Variants in METTL2A observed in about 807,000 individuals in gnomAD.
METTL2A encodes tRNA N(3)-cytidine methyltransferase METTL2A.
METTL2A carries 45 observed loss-of-function variants against 49.4 expected under a neutral mutation model. That is an observed-to-expected ratio of 0.91 (90% CI 0.72 to 1.17). The LOEUF is 1.17. Among genes scored for constraint, METTL2A ranks in the 50% most tolerant of loss-of-function variants. The pLI is 0.00. For synonymous variants in METTL2A, 118 were observed against 167.5 expected, an observed-to-expected ratio of 0.70 and a Z score of 2.28; for missense variants, 361 against 462.2, an observed-to-expected ratio of 0.78 and a Z score of 2.01.
At position 62,450,987 on chromosome 17, in the gene METTL2A, A is replaced by G. The variant is rs1374930831; in HGVS notation, c.*2258A>G. ...ATACATGGAAACATTAATGCCAGCC[A>G]CTAACCATTCATGTTTACCCAGTAG... On this transcript the variant is annotated 3_prime_UTR_variant, in exon 9 of 9. Transcript: ENST00000311506. Among the ~76,000 whole-genome samples, 4 of 152,176 alleles carry G rather than the reference A, an allele frequency of 2.6e-5. No individual in the cohort carries two copies. The highest frequency in any genetic ancestry group is 5.9e-5 in the Non-Finnish European group (4 of 68,036).
At chr17:62,446,625 T>A (rs1345694580) in intron 7 of METTL2A, among the ~76,000 whole-genome samples, 3 of 152,252 alleles carry the variant, frequency 2.0e-5, no homozygotes, top group Non-Finnish European at 4.4e-5. Context: ...CAGCCTTTTT[T>A]TAAGCACCCA....
Position 62,440,705 on chromosome 17 carries a change from G to C in METTL2A, c.758G>C (p.Ser253Thr). ...AAGAGTTACCCAGTGCCCAAGGGCA[G>C]TCTTGATATTATCATTCTCATATTT... is the stretch of plus-strand genomic sequence containing the variant. ...EEKSYPVPKGSLDIIILIFVL... is the reference protein window; with the variant it reads ...EEKSYPVPKGTLDIIILIFVL... The change falls in exon 6 of 9, where the codon AGT becomes ACT. Residue 253 changes from serine (S) to threonine (T), a missense_variant. Around this residue, in one of 3 missense-constraint regions of METTL2A, gnomAD observed 183 missense variants for 216.5 expected, o/e 0.85. Coordinates refer to ENST00000311506, the MANE Select transcript of METTL2A (RefSeq NM_181725.4). 6.2e-7 allele frequency: 1 copy of C among 1,614,100 alleles called. No individual in the cohort carries two copies. Among genetic ancestry groups the C allele is most frequent in the Non-Finnish European group, 8.5e-7 (1 of 1,180,022 alleles).
chr17:62,441,086 G>C (rs1316805214), intron 6 of METTL2A, among the ~76,000 whole-genome samples: 3 of 152,218 alleles, frequency 2.0e-5, no homozygotes, highest in African/African-American at 7.2e-5. Context: ...GATTATAGGT[G>C]TGAGCCACCA....
chr17:62,440,497 A>G, intron 5 of METTL2A, 120 bp from the exon 6 acceptor site: 1 of 1,392,124 alleles, frequency 7.2e-7, no homozygotes, highest in Non-Finnish European at 9.6e-7. Flanking sequence ...AAAAGAAAAA[A>G]GAAATATATC....
At chr17:62,439,146 T>A (rs898863184) in intron 5 of METTL2A, among the ~76,000 whole-genome samples, 3 of 151,292 alleles carry the variant, frequency 2.0e-5, no homozygotes, top group Non-Finnish European at 3.0e-5. Flanking sequence ...ACCCAGCTAA[T>A]TTTTTTGTAT....
chr17:62,433,442 A>AT (rs200898547), intron 4 of METTL2A, among the ~76,000 whole-genome samples: 3,415 of 152,064 alleles, frequency 0.022, 49 homozygotes, highest in Middle Eastern at 0.1. Context: ...TCAAAAAAAA[A>AT]AGAAAAGCAC....
At position 62,447,690 on chromosome 17, in the gene METTL2A, TCACTCTG is replaced by T. The variant is rs1363548523; in HGVS notation, c.917-8_917-2del. The T allele has an allele frequency of 3.1e-6, 5 of 1,613,778 alleles. No homozygotes were observed. Among genetic ancestry groups the T allele is most frequent in the Non-Finnish European group, 2.5e-6 (3 of 1,179,906 alleles). ...TTAAGTGTCTCTGATTTTTAACACATCACTCTGCAGGTCAGTGTCTATCTGGAAATTT... is the reference window on the plus strand; with the variant it reads ...TTAAGTGTCTCTGATTTTTAACACATCAGGTCAGTGTCTATCTGGAAATTT... On this transcript the variant is annotated splice_region_variant and splice_polypyrimidine_tract_variant and intron_variant, in intron 7 of 8. Coordinates refer to ENST00000311506, the MANE Select transcript of METTL2A (RefSeq NM_181725.4).
At chr17:62,443,878 G>A (rs1193584982) in intron 6 of METTL2A, among the ~76,000 whole-genome samples, 3 of 151,838 alleles carry the variant, frequency 2.0e-5, no homozygotes, top group East Asian at 1.9e-4. Flanking sequence ...TTTTTAAGAG[G>A]GAAACATTCA....
intron 7 of METTL2A, among the ~76,000 whole-genome samples, chr17:62,446,699 G>A (rs2070771448): frequency 6.6e-6 from 1 of 152,170 alleles, no homozygotes; most frequent in South Asian, 2.1e-4. Context: ...ATACATGCAG[G>A]AGCAAAACTT....
chr17:62,424,413 T>G (rs1934557625), intron 2 of METTL2A, 103 bp downstream of exon 2: 2 of 1,513,858 alleles, frequency 1.3e-6, no homozygotes, highest in Admixed American at 2.0e-5. Context: ...CCTTTATTCC[T>G]GGCCTGATGC....
Position 62,447,743 on chromosome 17 carries a change from C to T in METTL2A, c.959C>T (p.Thr320Ile). Residue 320 changes from threonine (T) to isoleucine (I), a missense_variant, in exon 8 of 9, where the codon ACC becomes ATC. Thr to Ile is a moderately conservative substitution (Grantham distance 89). Coordinates refer to ENST00000311506, the MANE Select transcript of METTL2A (RefSeq NM_181725.4). Reference protein sequence around the residue: ...SGNFYVRGDGTRVYFFTQEEL... With the variant: ...SGNFYVRGDGIRVYFFTQEEL... Reference sequence around the variant, plus strand: ...AATTTCTACGTGAGAGGTGATGGAACCAGAGTTTACTTCTTCACACAAGGT... The same window carrying T: ...AATTTCTACGTGAGAGGTGATGGAATCAGAGTTTACTTCTTCACACAAGGT... The T allele has an allele frequency of 6.2e-7, 1 of 1,614,164 alleles. No individual in the cohort carries two copies. The highest frequency in any genetic ancestry group is 8.5e-7 in the Non-Finnish European group (1 of 1,180,004).
chr17:62,431,318 A>G (rs1260614891), intron 4 of METTL2A, among the ~76,000 whole-genome samples: 2 of 151,474 alleles, frequency 1.3e-5, no homozygotes, highest in Admixed American at 6.6e-5. Context: ...CAGTCTTTAC[A>G]GCCTTTTTAT....
intron 7 of METTL2A, among the ~76,000 whole-genome samples, 184 bp downstream of exon 7, chr17:62,445,127 A>G (rs1404811579): frequency 6.8e-6 from 1 of 147,560 alleles, no homozygotes; most frequent in Non-Finnish European, 1.5e-5. Flanking sequence ...GGGGCATCAC[A>G]CACTGGGGTC....
chr17:62,444,561 T>C (rs187466358), intron 6 of METTL2A, among the ~76,000 whole-genome samples: 4 of 152,338 alleles, frequency 2.6e-5, no homozygotes, highest in African/African-American at 9.6e-5. Flanking sequence ...ATTACAAGCA[T>C]GAGCCACCGC....
chr17:62,445,029 A>G, intron 7 of METTL2A, 86 bp downstream of exon 7: 1 of 1,472,886 alleles, frequency 6.8e-7, no homozygotes, highest in Non-Finnish European at 9.3e-7. Flanking sequence ...CATTCTCAGC[A>G]AACTAACACA....
At chr17:62,447,098 A>G (rs1391223727) in intron 7 of METTL2A, among the ~76,000 whole-genome samples, 2 of 152,190 alleles carry the variant, frequency 1.3e-5, no homozygotes, top group Non-Finnish European at 1.5e-5. Flanking sequence ...AAGTTTCCTT[A>G]AACTCAGCTA....
Position 62,449,517 on chromosome 17 carries a change from C to T in METTL2A, c.*788C>T, listed in dbSNP as rs1229121043. 6 of 376,870 alleles carry T rather than the reference C, an allele frequency of 1.6e-5. No individual in the cohort carries two copies. The Admixed American group carries it at 1.8e-4, about 12-fold the overall frequency. 23.3% of individuals were successfully genotyped at this position (376,870 alleles called of 1,614,324 possible). On this transcript the variant is annotated 3_prime_UTR_variant, in exon 9 of 9. Coordinates refer to ENST00000311506, the MANE Select transcript of METTL2A (RefSeq NM_181725.4). Reference sequence around the variant, plus strand: ...GCTGAGGTCAGGAGTTGGAGACCAGCGTGGCCAACATGGTGAAACCCCGTC... The same window carrying T: ...GCTGAGGTCAGGAGTTGGAGACCAGTGTGGCCAACATGGTGAAACCCCGTC...
At chr17:62,430,755 C>G (rs1212719916) in intron 4 of METTL2A, among the ~76,000 whole-genome samples, 1 of 152,166 alleles carries the variant, frequency 6.6e-6, no homozygotes, top group African/African-American at 2.4e-5. Context: ...CTCGGCTAGC[C>G]TCAACCTCCG....
rs373677121 is a variant in METTL2A, at chr17:62,440,869, G to C, written c.809+113G>C. 9.6e-6 allele frequency: 13 copies of C among 1,354,362 alleles called. No homozygotes were observed. In the African/African-American group the frequency reaches 1.5e-4, roughly 15 times the overall value. 83.9% of individuals were successfully genotyped at this position (1,354,362 alleles called of 1,614,324 possible). On this transcript the variant is annotated intron_variant, in intron 6 of 8. Transcript: ENST00000311506. ...AGCCCAGGCTGGAGTGCAGTGGCACGATCATGGCTCACTGCAGCCTTAACC... is the reference window on the plus strand; with the variant it reads ...AGCCCAGGCTGGAGTGCAGTGGCACCATCATGGCTCACTGCAGCCTTAACC...
Sources: allele counts gnomAD v4.1 joint callset (sites outside exome capture counted in the v4.1 genomes callset), GRCh38; gene constraint gnomAD v4.1.1; regional missense constraint gnomAD v4.1.1; transcripts MANE v1.5; gene names NCBI Gene and HGNC (gene_info 2026-07-23, HGNC 2026-07-21).